Variants in GPM6A observed in about 807,000 individuals in gnomAD.
The protein encoded by GPM6A is glycoprotein M6A.
GPM6A carries 7 observed loss-of-function variants against 32.1 expected under a neutral mutation model. The ratio of observed to expected loss-of-function variants is 0.22; its 90% CI spans 0.12 to 0.41. The LOEUF is 0.41. Among genes scored for constraint, GPM6A ranks in the 10% least tolerant of loss-of-function variants. GPM6A has a pLI of 1.00. For missense variants in GPM6A, 235 were observed against 347.2 expected (o/e 0.68, Z 2.57); for synonymous variants, 130 against 123.4 (o/e 1.05, Z -0.35).
At chr4:175,913,643 C>T (rs975602772) in intron 1 of GPM6A, among the ~76,000 whole-genome samples, 3 of 152,176 alleles carry the variant, frequency 2.0e-5, no homozygotes, top group Non-Finnish European at 4.4e-5. Context: ...ACAGACCAGG[C>T]CTGTTCCTGC....
intron 2 of GPM6A, among the ~76,000 whole-genome samples, chr4:175,683,653 C>T (rs772695474): frequency 6.6e-6 from 1 of 151,860 alleles, no homozygotes. Flanking sequence ...AAGTGTGTGG[C>T]ACCTCCCCTT....
At chr4:175,786,434 T>C (rs1379123076) in intron 1 of GPM6A, among the ~76,000 whole-genome samples, 1 of 151,998 alleles carries the variant, frequency 6.6e-6, no homozygotes, top group Non-Finnish European at 1.5e-5. Flanking sequence ...GCTCCCGTGC[T>C]GAACCTTTGC....
intron 1 of GPM6A, among the ~76,000 whole-genome samples, chr4:175,904,657 A>G (rs1738074536): frequency 6.6e-6 from 1 of 152,164 alleles, no homozygotes; most frequent in Non-Finnish European, 1.5e-5. Flanking sequence ...GTGAAGGTAT[A>G]GTATCTTGAA....
intron 1 of GPM6A, among the ~76,000 whole-genome samples, chr4:175,702,410 C>G (rs1330111764): frequency 6.6e-6 from 1 of 152,182 alleles, no homozygotes; most frequent in Non-Finnish European, 1.5e-5. Flanking sequence ...CTATCGAATA[C>G]TAGAACTTAT....
chr4:175,676,975 T>C (rs1268195502), intron 2 of GPM6A, among the ~76,000 whole-genome samples: 1 of 152,164 alleles, frequency 6.6e-6, no homozygotes, highest in East Asian at 1.9e-4. Flanking sequence ...TATATATCCT[T>C]TGTGGCTCAA....
chr4:175,989,566 T>TA (rs779400400), intron 1 of GPM6A, among the ~76,000 whole-genome samples: 62 of 152,048 alleles, frequency 4.1e-4, no homozygotes, highest in Non-Finnish European at 5.7e-4. Flanking sequence ...GTGATCTTTT[T>TA]AAAAAAAAGC....
At chr4:175,938,896 AAGTC>A (rs1739323963) in intron 1 of GPM6A, among the ~76,000 whole-genome samples, 1 of 152,172 alleles carries the variant, frequency 6.6e-6, no homozygotes, top group African/African-American at 2.4e-5. Flanking sequence ...AAAAAGACTA[AAGTC>A]AACTGTGATT....
intron 1 of GPM6A, among the ~76,000 whole-genome samples, chr4:175,762,886 C>T (rs543486994): frequency 1.4e-4 from 22 of 152,108 alleles, no homozygotes; most frequent in African/African-American, 5.3e-4. Context: ...ACTAGATTGA[C>T]TCGTGGTTGC....
At chr4:175,675,883 A>G (rs1314953415) in intron 2 of GPM6A, among the ~76,000 whole-genome samples, 1 of 151,588 alleles carries the variant, frequency 6.6e-6, no homozygotes, top group Non-Finnish European at 1.5e-5. Flanking sequence ...AGGGATCTGA[A>G]CTCCTGGGCT....
chr4:175,679,429 G>A (rs1447464643), intron 2 of GPM6A, among the ~76,000 whole-genome samples: 1 of 152,058 alleles, frequency 6.6e-6, no homozygotes, highest in Admixed American at 6.6e-5. Flanking sequence ...TTAAGATGAT[G>A]TCTGATTTCT....
intron 1 of GPM6A, among the ~76,000 whole-genome samples, chr4:175,706,790 T>C (rs1018153538): frequency 1.3e-5 from 2 of 151,878 alleles, no homozygotes; most frequent in African/African-American, 4.8e-5. Context: ...GATGAGAGAG[T>C]AGGTCAGCAT....
intron 1 of GPM6A, among the ~76,000 whole-genome samples, chr4:175,885,524 G>T (rs1345520126): frequency 6.6e-6 from 1 of 152,122 alleles, no homozygotes. Flanking sequence ...TCAGTTACTT[G>T]GGAGGCTGAG....
intron 1 of GPM6A, among the ~76,000 whole-genome samples, chr4:175,768,267 C>G (rs1338806585): frequency 2.6e-5 from 4 of 152,006 alleles, no homozygotes; most frequent in African/African-American, 7.2e-5. Context: ...TTTTAAAACT[C>G]TAGTTTTAGA....
At chr4:175,703,074 G>A (rs920266548) in intron 1 of GPM6A, among the ~76,000 whole-genome samples, 1 of 152,100 alleles carries the variant, frequency 6.6e-6, no homozygotes, top group Admixed American at 6.6e-5. Flanking sequence ...TGGTTCTCAT[G>A]AGCATTAAAT....
chr4:175,771,580 T>TAA (rs1204349554), intron 1 of GPM6A, among the ~76,000 whole-genome samples: 4 of 149,420 alleles, frequency 2.7e-5, no homozygotes, highest in Admixed American at 6.6e-5. Context: ...AGAATTTTCA[T>TAA]AAACATTATA....
chr4:175,884,791 C>T (rs1240152790), intron 1 of GPM6A, among the ~76,000 whole-genome samples: 1 of 152,076 alleles, frequency 6.6e-6, no homozygotes, highest in African/African-American at 2.4e-5. Context: ...GCCTAGGCTT[C>T]CCAAAGTGCT....
chr4:175,704,764 C>A (rs1415146767), intron 1 of GPM6A, among the ~76,000 whole-genome samples: 1 of 152,012 alleles, frequency 6.6e-6, no homozygotes, highest in African/African-American at 2.4e-5. Context: ...AGTATGAAAA[C>A]CAGATAGATG....
At chr4:175,712,206 G>A (rs756745301) in intron 1 of GPM6A, among the ~76,000 whole-genome samples, 11 of 152,086 alleles carry the variant, frequency 7.2e-5, no homozygotes, top group Non-Finnish European at 1.2e-4. Context: ...AATATAAAAC[G>A]GTTTCCTAGA....
upstream of GPM6A, chr4:175,812,339 T>C (rs1734963931): frequency 1.5e-6 from 2 of 1,304,886 alleles, no homozygotes; most frequent in South Asian, 1.7e-5. Context: ...TTTTTTTTTT[T>C]TCCTGGGAAG....
Sources: allele counts gnomAD v4.1 joint callset (sites outside exome capture counted in the v4.1 genomes callset), GRCh38; gene constraint gnomAD v4.1.1; transcripts MANE v1.5; gene names NCBI Gene and HGNC (gene_info 2026-07-23, HGNC 2026-07-21).